Variants in SH3D19 observed in about 807,000 individuals in gnomAD.
The protein encoded by SH3D19 is SH3 domain containing 19.
In SH3D19, 58 loss-of-function variants were observed where a neutral mutation model predicts 112.1. That is an observed-to-expected ratio of 0.52 (90% CI 0.42 to 0.64). SH3D19 has a LOEUF of 0.64. Among genes scored for constraint, SH3D19 ranks in the 30% least tolerant of loss-of-function variants. The pLI, the probability that SH3D19 is intolerant of heterozygous loss-of-function variation, is 0.00. For synonymous variants in SH3D19, 391 were observed against 448.5 expected (o/e 0.87, Z 1.62); for missense variants, 1,090 against 1,263.4 (o/e 0.86, Z 2.08).
At position 151,133,088 on chromosome 4, in the gene SH3D19, G is replaced by T. The variant is rs371735565; in HGVS notation, c.2635C>A (p.Leu879Met). 6.8e-6 allele frequency: 11 copies of T among 1,614,040 alleles called. No individual in the cohort carries two copies. The highest frequency in any genetic ancestry group is 9.3e-6 in the Non-Finnish European group (11 of 1,179,942). The change falls in exon 16 of 20, where the codon CTG becomes ATG. Residue 879 changes from leucine to methionine, a missense_variant. Coordinates refer to ENST00000604030, the MANE Select transcript of SH3D19 (RefSeq NM_001378122.1). ...TCCTCAACAGGCTCCACAAAGTTCA[G>T]GGGGAAAATCCCAGTTCTGCCTCGA... is the stretch of plus-strand genomic sequence containing the variant. ...EVRGRTGIFP[L>M]NFVEPVEDYP...
At chr4:151,258,120 C>T (rs1449833122) in intron 1 of SH3D19, among the ~76,000 whole-genome samples, 1 of 152,126 alleles carries the variant, frequency 6.6e-6, no homozygotes, top group East Asian at 1.9e-4. Flanking sequence ...CACCTCTCTC[C>T]CACTAGATGT....
chr4:151,320,987 G>A (rs1483484762), intron 1 of SH3D19, among the ~76,000 whole-genome samples: 3 of 152,092 alleles, frequency 2.0e-5, no homozygotes, highest in African/African-American at 7.2e-5. Flanking sequence ...GTTGCAGTGT[G>A]CTGAGATTAC....
intron 4 of SH3D19, among the ~76,000 whole-genome samples, chr4:151,177,677 T>C (rs28566074): frequency 0.018 from 2,790 of 152,304 alleles, 80 homozygotes; most frequent in African/African-American, 0.063. Context: ...AAGTGCATAC[T>C]CTGAAATGCA....
chr4:151,121,338 ATAAAG>A lies in SH3D19; in HGVS notation c.*748_*752del, dbSNP rs1315494830. ...TGTGCTTTGTAATAACCCTGTTAAC[ATAAAG>A]TATACACTGAGGAAAAAAATAAGTA... On this transcript the variant is annotated 3_prime_UTR_variant, in exon 20 of 20. Coordinates refer to ENST00000604030, the MANE Select transcript of SH3D19 (RefSeq NM_001378122.1). The A allele has an allele frequency of 6.6e-6, 1 of 152,670 alleles. No individual in the cohort carries two copies. Among genetic ancestry groups the A allele is most frequent in the African/African-American group, 2.4e-5 (1 of 41,472 alleles). The allele number at this position is 152,670 out of a possible 1,614,324, so 9.5% of individuals were successfully genotyped here. A position where few individuals can be genotyped will look rare whatever the true frequency, so the allele number is the denominator to read the frequency against.
chr4:151,303,340 T>C (rs6849552), intron 1 of SH3D19, among the ~76,000 whole-genome samples: 65,976 of 152,070 alleles, frequency 0.43, 14,825 homozygotes, highest in South Asian at 0.55. Flanking sequence ...TTGAATAGAT[T>C]ATCAATCATT....
At chr4:151,179,293 A>T (rs953956784) in intron 4 of SH3D19, 62 bp downstream of exon 4, 1 of 957,594 alleles carries the variant, frequency 1.0e-6, no homozygotes, top group African/African-American at 1.7e-5. Context: ...TTGCTACCTG[A>T]TAACACACTT....
At chr4:151,229,898 G>C (rs1487046368) in intron 1 of SH3D19, among the ~76,000 whole-genome samples, 1 of 152,172 alleles carries the variant, frequency 6.6e-6, no homozygotes, top group Non-Finnish European at 1.5e-5. Flanking sequence ...CTGGGTGACG[G>C]AGTGAAACTC....
intron 2 of SH3D19, among the ~76,000 whole-genome samples, chr4:151,208,822 C>T (rs529082330): frequency 6.6e-6 from 1 of 152,024 alleles, no homozygotes; most frequent in South Asian, 2.1e-4. Flanking sequence ...GGACTACAGG[C>T]GCCCACCACC....
intron 1 of SH3D19, among the ~76,000 whole-genome samples, chr4:151,267,173 T>TAA (rs1448420586): frequency 8.9e-6 from 1 of 112,872 alleles, no homozygotes; most frequent in African/African-American, 3.4e-5. Context: ...AAAAAAAAAA[T>TAA]AAATAAAATA....
At chr4:151,208,336 C>A (rs533283530) in intron 2 of SH3D19, among the ~76,000 whole-genome samples, 29 of 152,168 alleles carry the variant, frequency 1.9e-4, no homozygotes, top group Non-Finnish European at 3.4e-4. Context: ...TCAGCTCCAA[C>A]AATCACATAA....
intron 1 of SH3D19, among the ~76,000 whole-genome samples, chr4:151,242,114 T>C (rs937322201): frequency 2.6e-5 from 4 of 151,716 alleles, no homozygotes; most frequent in African/African-American, 9.7e-5. Flanking sequence ...TTGCTTGAGC[T>C]TGGGAGGTCA....
chr4:151,242,189 CA>C (rs903328772), intron 1 of SH3D19, among the ~76,000 whole-genome samples: 15 of 140,972 alleles, frequency 1.1e-4, no homozygotes, highest in East Asian at 8.2e-4. Context: ...TGTCTCAAAA[CA>C]AAAAAAAAAG....
At chr4:151,313,087 CAAA>C (rs571941454) in intron 1 of SH3D19, among the ~76,000 whole-genome samples, 2 of 98,822 alleles carry the variant, frequency 2.0e-5, no homozygotes, top group Non-Finnish European at 2.0e-5. Context: ...GACTCTGTCT[CAAA>C]AAAAAAAAAA....
rs1299494262 is a variant in SH3D19, at chr4:151,144,341, A to C, written c.2083-291T>G. On this transcript the variant is annotated intron_variant, in intron 11 of 19. Transcript: ENST00000604030. ...TTCACAATCAAATAACCTCCTCTTA[A>C]GTTGCTGATCATTTAGGAATTTGGC... The C allele has an allele frequency of 3.3e-6, 5 of 1,525,216 alleles. No individual in the cohort carries two copies. In the African/African-American group the frequency reaches 5.5e-5, roughly 17 times the overall value. 94.5% of individuals were successfully genotyped at this position (1,525,216 alleles called of 1,614,324 possible). A position where few individuals can be genotyped will look rare whatever the true frequency, so the allele number is the denominator to read the frequency against.
At chr4:151,168,713 G>A (rs566151376) in intron 7 of SH3D19, among the ~76,000 whole-genome samples, 88 of 152,140 alleles carry the variant, frequency 5.8e-4, no homozygotes, top group Non-Finnish European at 9.6e-4. Flanking sequence ...GATTATAGGT[G>A]TGAGCCACTG....
intron 2 of SH3D19, among the ~76,000 whole-genome samples, chr4:151,210,487 C>T (rs1050636284): frequency 1.3e-5 from 2 of 151,426 alleles, no homozygotes; most frequent in Non-Finnish European, 2.9e-5. Flanking sequence ...CTGCAAGCTC[C>T]GCCTCCTGGG....
At chr4:151,199,806 T>C (rs768423894) in intron 2 of SH3D19, among the ~76,000 whole-genome samples, 3 of 152,220 alleles carry the variant, frequency 2.0e-5, no homozygotes, top group Non-Finnish European at 4.4e-5. Flanking sequence ...AATAGTATAA[T>C]CCCAATGTTA....
rs1561354019 is a variant in SH3D19 at position 151,213,670 on chromosome 4, T to TC, written c.152+12376_152+12377insG. 4.1e-5 allele frequency among the ~76,000 whole-genome samples: 6 copies of TC among 148,096 alleles called. No homozygotes were observed. The East Asian group carries it at 1.2e-3, about 30-fold the overall frequency. ...GGAGGGAGGAATTAATAATATGAAT[T>TC]AATTAATTAATTAATTAATTTATTT... On this transcript the variant is annotated intron_variant, in intron 2 of 19. Coordinates refer to ENST00000604030, the MANE Select transcript of SH3D19 (RefSeq NM_001378122.1).
intron 1 of SH3D19, among the ~76,000 whole-genome samples, chr4:151,275,845 ATTATTTTT>A (rs970741268): frequency 4.1e-5 from 4 of 97,418 alleles, no homozygotes; most frequent in African/African-American, 1.5e-4. Flanking sequence ...TATTATTATT[ATTATTTTT>A]TTTTTTTTAG....
Sources: gnomAD v4.1 joint callset for allele counts (sites outside exome capture counted in the v4.1 genomes callset) on GRCh38, gnomAD v4.1.1 for gene constraint, MANE v1.5 for transcripts, NCBI Gene and HGNC (gene_info 2026-07-23, HGNC 2026-07-21) for gene names.